Variants in MACROD2 observed in about 807,000 individuals in gnomAD.
MACROD2 encodes the protein ADP-ribose glycohydrolase MACROD2.
A neutral mutation model predicts 70.4 loss-of-function variants in MACROD2; 36 were observed. That is an observed-to-expected ratio of 0.51 (90% CI 0.39 to 0.68). The LOEUF is 0.68. MACROD2 is among the 30% of genes least tolerant of loss of function. The pLI is 0.00. For synonymous variants in MACROD2, 172 were observed against 178.8 expected, an observed-to-expected ratio of 0.96 and a Z score of 0.30; for missense variants, 496 against 538.4, an observed-to-expected ratio of 0.92 and a Z score of 0.78.
At chr20:15,387,042 G>C (rs1169769220) in intron 6 of MACROD2, among the ~76,000 whole-genome samples, 3 of 152,066 alleles carry the variant, frequency 2.0e-5, no homozygotes, top group Non-Finnish European at 2.9e-5. Flanking sequence ...GAGCAAACCA[G>C]CTCAACTATT....
chr20:15,429,576 C>A (rs552667399), intron 6 of MACROD2, among the ~76,000 whole-genome samples: 1 of 151,928 alleles, frequency 6.6e-6, no homozygotes, highest in African/African-American at 2.4e-5. Context: ...ATAGGCTATG[C>A]AATAGTGTTA....
intron 5 of MACROD2, among the ~76,000 whole-genome samples, chr20:14,965,453 CTTTTTTTTTTTTTTT>C (rs532870999): frequency 1.5e-5 from 1 of 68,052 alleles, no homozygotes; most frequent in African/African-American, 5.4e-5. Context: ...ATTTTTTTTT[CTTTTTTTTTTTTTTT>C]TTTTTTTTTT....
intron 3 of MACROD2, among the ~76,000 whole-genome samples, chr20:14,470,277 G>A (rs1377106631): frequency 1.3e-5 from 2 of 152,134 alleles, no homozygotes; most frequent in Non-Finnish European, 2.9e-5. Flanking sequence ...AGCAAAGATT[G>A]CTGTCTTTTC....
intron 5 of MACROD2, among the ~76,000 whole-genome samples, chr20:14,962,004 G>A (rs542048183): frequency 6.6e-6 from 1 of 151,906 alleles, no homozygotes; most frequent in East Asian, 1.9e-4. Flanking sequence ...TTTTGAGACG[G>A]AGTCTCACTC....
chr20:14,083,725 A>C (rs564095017), intron 2 of MACROD2, among the ~76,000 whole-genome samples: 2 of 152,134 alleles, frequency 1.3e-5, no homozygotes, highest in Admixed American at 1.3e-4. Flanking sequence ...ATTAACATAC[A>C]AGTTGCCCAC....
intron 8 of MACROD2, among the ~76,000 whole-genome samples, chr20:15,680,214 G>A (rs2050142124): frequency 6.6e-6 from 1 of 152,178 alleles, no homozygotes; most frequent in Non-Finnish European, 1.5e-5. Flanking sequence ...CAGTGACGGT[G>A]TTTCCAATTG....
At chr20:15,248,552 C>T (rs529626211) in intron 6 of MACROD2, among the ~76,000 whole-genome samples, 1 of 152,276 alleles carries the variant, frequency 6.6e-6, no homozygotes, top group South Asian at 2.1e-4. Flanking sequence ...TCAGTGACTA[C>T]AAGTCCCTGA....
chr20:15,917,365 A>C (rs2065334981), intron 10 of MACROD2, among the ~76,000 whole-genome samples: 1 of 152,210 alleles, frequency 6.6e-6, no homozygotes, highest in Non-Finnish European at 1.5e-5. Context: ...ATGAACCTGC[A>C]GGGTTATGGT....
At chr20:14,572,005 T>C (rs928320465) in intron 4 of MACROD2, among the ~76,000 whole-genome samples, 1 of 152,070 alleles carries the variant, frequency 6.6e-6, no homozygotes, top group Non-Finnish European at 1.5e-5. Context: ...ATGTTCGGTT[T>C]GGAAGTGTTT....
chr20:15,995,649 C>CTTTTTTTTTTTTTTT lies in MACROD2; in HGVS notation c.1153+8497_1153+8511dup, dbSNP rs71192310. ...ACAGGCATGAGCCACTATGCCCGGC[C>CTTTTTTTTTTTTTTT]TTTTTTTTTTTTTTTTTTTTAACTT... is the stretch of plus-strand genomic sequence containing the variant. On this transcript the variant is annotated intron_variant, in intron 15 of 17. Transcript: ENST00000684519. Among the ~76,000 whole-genome samples the CTTTTTTTTTTTTTTT allele has an allele frequency of 5.9e-3, 507 of 85,422 alleles. 34 individuals carry two copies. Among genetic ancestry groups the CTTTTTTTTTTTTTTT allele is most frequent in the Non-Finnish European group, 7.4e-3 (321 of 43,164 alleles). The allele number at this position is 85,422 out of a possible 152,430, so 56.0% of individuals were successfully genotyped here.
chr20:14,457,055 T>C (rs1265811205), intron 3 of MACROD2, among the ~76,000 whole-genome samples: 1 of 152,010 alleles, frequency 6.6e-6, no homozygotes, highest in African/African-American at 2.4e-5. Flanking sequence ...CTTCTTCAAA[T>C]GTGTTACTCG....
chr20:16,035,136 T>TAA (rs1186791062), intron 15 of MACROD2, among the ~76,000 whole-genome samples: 1 of 77,074 alleles, frequency 1.3e-5, no homozygotes, highest in African/African-American at 4.2e-5. Flanking sequence ...ATATTATATA[T>TAA]TATATATTAT....
At chr20:14,494,861 C>G (rs1054376007) in intron 4 of MACROD2, among the ~76,000 whole-genome samples, 4 of 152,042 alleles carry the variant, frequency 2.6e-5, no homozygotes, top group Non-Finnish European at 5.9e-5. Flanking sequence ...AATTTTTTCT[C>G]TCTGTCTCTT....
intron 6 of MACROD2, among the ~76,000 whole-genome samples, chr20:15,295,056 A>C (rs1239739923): frequency 6.6e-6 from 1 of 152,166 alleles, no homozygotes; most frequent in African/African-American, 2.4e-5. Context: ...AGTGGGAGGT[A>C]ATTGAATCAT....
intron 8 of MACROD2, among the ~76,000 whole-genome samples, chr20:15,698,147 C>T (rs969295524): frequency 6.6e-6 from 1 of 152,030 alleles, no homozygotes. Context: ...TTGCTTGTAA[C>T]TTGTATTTTT....
chr20:15,257,339 G>A (rs2077208452), intron 6 of MACROD2, among the ~76,000 whole-genome samples: 1 of 152,006 alleles, frequency 6.6e-6, no homozygotes, highest in Non-Finnish European at 1.5e-5. Context: ...GGGCTCCACT[G>A]ATTTATGAGT....
At chr20:14,517,627 G>A (rs1489531885) in intron 4 of MACROD2, among the ~76,000 whole-genome samples, 2 of 152,116 alleles carry the variant, frequency 1.3e-5, no homozygotes, top group Non-Finnish European at 2.9e-5. Context: ...CATGGCATGT[G>A]TATACCTGTG....
intron 8 of MACROD2, among the ~76,000 whole-genome samples, chr20:15,590,259 GTTGAC>G (rs1005055295): frequency 7.2e-5 from 11 of 152,154 alleles, no homozygotes; most frequent in African/African-American, 2.7e-4. Flanking sequence ...TTCCATAGGT[GTTGAC>G]TTGTTTAATC....
chr20:14,124,421 A>G (rs1431051702), intron 3 of MACROD2, among the ~76,000 whole-genome samples: 1 of 152,160 alleles, frequency 6.6e-6, no homozygotes, highest in African/African-American at 2.4e-5. Context: ...ATTTAGCATT[A>G]GCTAAATTGA....
Sources: allele counts gnomAD v4.1 joint callset (sites outside exome capture counted in the v4.1 genomes callset), GRCh38; gene constraint gnomAD v4.1.1; transcripts MANE v1.5; gene names NCBI Gene and HGNC (gene_info 2026-07-23, HGNC 2026-07-21).